FKTN: variants seen among roughly 807,000 people sequenced by gnomAD.
The protein encoded by FKTN is ribitol-5-phosphate transferase FKTN.
FKTN carries 47 observed loss-of-function variants against 58.6 expected under a neutral mutation model. The observed-to-expected ratio is 0.80, with a 90% CI of 0.63 to 1.02. The LOEUF (loss-of-function observed/expected upper bound fraction) is 1.02, where lower values mean the gene tolerates loss of function less well. Among genes scored for constraint, FKTN ranks in the 50% least tolerant of loss-of-function variants. The pLI is 0.00. For missense variants in FKTN, 516 were observed against 537.3 expected (o/e 0.96, Z 0.39); for synonymous variants, 178 against 191.9 (o/e 0.93, Z 0.60).
chr9:105,597,040 T>C (rs1363687040), intron 4 of FKTN, among the ~76,000 whole-genome samples: 1 of 152,168 alleles, frequency 6.6e-6, no homozygotes, highest in Non-Finnish European at 1.5e-5. Context: ...TGATCAGGAA[T>C]AAAAATCTAT....
chr9:105,601,463 G>T, intron 5 of FKTN, 115 bp downstream of exon 5: 1 of 702,896 alleles, frequency 1.4e-6, no homozygotes, highest in Non-Finnish European at 2.5e-6. Context: ...TTTATAAATT[G>T]TATCAGGAAT....
chr9:105,589,522 G>A (rs979413810), intron 3 of FKTN, among the ~76,000 whole-genome samples: 6 of 148,742 alleles, frequency 4.0e-5, no homozygotes, highest in African/African-American at 1.3e-4. Context: ...TGGGGGGGGC[G>A]GGTACTAACA....
intron 6 of FKTN, 102 bp downstream of exon 6, chr9:105,604,594 T>C (rs1480414784): frequency 1.1e-6 from 1 of 915,690 alleles, no homozygotes; most frequent in Non-Finnish European, 1.7e-6. Flanking sequence ...ATATAATTTA[T>C]ATAAGTATTT....
chr9:105,578,824 A>G (rs1170592572), intron 3 of FKTN, among the ~76,000 whole-genome samples: 1 of 151,552 alleles, frequency 6.6e-6, no homozygotes, highest in Non-Finnish European at 1.5e-5. Flanking sequence ...TTGGTAAGCT[A>G]TTAATTATTG....
chr9:105,571,828 A>C (rs1401303563), intron 1 of FKTN, among the ~76,000 whole-genome samples: 1 of 152,178 alleles, frequency 6.6e-6, no homozygotes, highest in East Asian at 1.9e-4. Context: ...CCAAATCTGA[A>C]AATTCAAAAT....
chr9:105,612,979 A>AT (rs887249662), intron 7 of FKTN, among the ~76,000 whole-genome samples: 33 of 152,180 alleles, frequency 2.2e-4, no homozygotes, highest in African/African-American at 7.7e-4. Flanking sequence ...AAAAAAAAAA[A>AT]GAAATGGAAT....
In FKTN at chr9:105,604,387, G is replaced by A. The variant is rs774982036; in HGVS notation, c.542G>A (p.Gly181Asp). The A allele has an allele frequency of 6.2e-7, 1 of 1,613,930 alleles. No individual in the cohort carries two copies. The highest frequency in any genetic ancestry group is 8.5e-7 in the Non-Finnish European group (1 of 1,179,818). ...TTGGTAGTCTTTCATGAGAGGAGTG[G>A]CAACTACCTCTGGCACGGCCACTTG... is the stretch of plus-strand genomic sequence containing the variant. Reference protein sequence around the residue: ...IHLVVFHERSGNYLWHGHLRL... With the variant: ...IHLVVFHERSDNYLWHGHLRL... The change falls in exon 6 of 11, where the codon GGC becomes GAC. Residue 181 changes from glycine to aspartate, a missense_variant. Transcript: ENST00000357998.
chr9:105,572,666 C>A (rs1840950712), intron 1 of FKTN, among the ~76,000 whole-genome samples: 1 of 152,038 alleles, frequency 6.6e-6, no homozygotes, highest in Non-Finnish European at 1.5e-5. Context: ...GCACAGATAC[C>A]CCATCTTTGC....
At chr9:105,591,945 C>G (rs1237134699) in intron 3 of FKTN, among the ~76,000 whole-genome samples, 1 of 152,218 alleles carries the variant, frequency 6.6e-6, no homozygotes, top group African/African-American at 2.4e-5. Flanking sequence ...TATACCTGTG[C>G]CCCCTTGAGC....
intron 3 of FKTN, among the ~76,000 whole-genome samples, chr9:105,592,069 C>T (rs1011562604): frequency 6.6e-6 from 1 of 152,236 alleles, no homozygotes; most frequent in Non-Finnish European, 1.5e-5. Flanking sequence ...GTCTCCAGGC[C>T]TGTGATGGGA....
chr9:105,572,250 A>T (rs200276813), intron 1 of FKTN, among the ~76,000 whole-genome samples: 13 of 141,784 alleles, frequency 9.2e-5, no homozygotes, highest in African/African-American at 2.7e-4. Flanking sequence ...ATATATATAT[A>T]TTTTAGTGTT....
intron 1 of FKTN, among the ~76,000 whole-genome samples, chr9:105,567,031 C>A (rs969086406): frequency 2.8e-4 from 43 of 152,060 alleles, no homozygotes; most frequent in African/African-American, 1.0e-3. Context: ...ATAAACAGAA[C>A]CAACAACAAA....
intron 1 of FKTN, among the ~76,000 whole-genome samples, chr9:105,572,148 C>A (rs1047707272): frequency 1.3e-5 from 2 of 151,814 alleles, no homozygotes; most frequent in African/African-American, 2.4e-5. Flanking sequence ...ATTAGGTTAT[C>A]TTTGCTTAAT....
chr9:105,589,767 C>A (rs1844527643), intron 3 of FKTN, among the ~76,000 whole-genome samples: 1 of 152,022 alleles, frequency 6.6e-6, no homozygotes, highest in South Asian at 2.1e-4. Flanking sequence ...GAAGACACAG[C>A]CTGTTCAAAG....
At chr9:105,590,728 G>T in intron 3 of FKTN, among the ~76,000 whole-genome samples, 1 of 152,144 alleles carries the variant, frequency 6.6e-6, no homozygotes, top group East Asian at 1.9e-4. Flanking sequence ...TTTTTTGTAC[G>T]TGTTAAGTTT....
intron 3 of FKTN, among the ~76,000 whole-genome samples, chr9:105,592,668 A>G (rs1845109295): frequency 6.6e-6 from 1 of 152,168 alleles, no homozygotes; most frequent in African/African-American, 2.4e-5. Context: ...TTCTTCTTCC[A>G]GGTACCCTAA....
chr9:105,640,075 CA>C lies in FKTN; in HGVS notation c.*4814del. ...AATACTCATTTCTACTTTCTGCCCT[CA>C]AATTTCTGTTTCTATCTCAACTAGG... On this transcript the variant is annotated 3_prime_UTR_variant, in exon 11 of 11. Coordinates refer to ENST00000357998, the MANE Select transcript of FKTN (RefSeq NM_001079802.2). 6.5e-7 allele frequency: 1 copy of C among 1,534,970 alleles called. No individual in the cohort carries two copies. Among genetic ancestry groups the C allele is most frequent in the South Asian group, 1.2e-5 (1 of 84,048 alleles).
In FKTN at chr9:105,575,256, C is replaced by T. The variant is rs954757160; in HGVS notation, c.105+119C>T. ...GGGTATTCAAATTCTTGCATCTTTG[C>T]GAGGTGTGGCAAACAATTAAAAATT... On this transcript the variant is annotated intron_variant, in intron 3 of 10. Coordinates refer to ENST00000357998, the MANE Select transcript of FKTN (RefSeq NM_001079802.2). 51 of 700,246 alleles carry T rather than the reference C, an allele frequency of 7.3e-5. 1 individual carries two copies. Among genetic ancestry groups the T allele is most frequent in the Admixed American group, 6.5e-4 (31 of 47,484 alleles). The allele number at this position is 700,246 out of a possible 1,614,324, so 43.4% of individuals were successfully genotyped here.
rs1187598415 is a variant in FKTN at position 105,639,925 on chromosome 9, C to A, written c.*4661C>A. 6.9e-7 allele frequency: 1 copy of A among 1,452,202 alleles called. No homozygotes were observed. The highest frequency in any genetic ancestry group is 1.4e-5 in the African/African-American group (1 of 70,384). 90.0% of individuals were successfully genotyped at this position (1,452,202 alleles called of 1,614,324 possible). The stretch of plus-strand genomic sequence containing the variant: ...AGCCTTTCCTAGATGTAAATCTTTA[C>A]CTCCTTGTTAGTGAAATTAGATATA... On this transcript the variant is annotated 3_prime_UTR_variant, in exon 11 of 11. Transcript: ENST00000357998.
Sources: gnomAD v4.1 joint callset for allele counts (sites outside exome capture counted in the v4.1 genomes callset) on GRCh38, gnomAD v4.1.1 for gene constraint, MANE v1.5 for transcripts, NCBI Gene and HGNC (gene_info 2026-07-23, HGNC 2026-07-21) for gene names.